The following OR2L13 variants were observed in gnomAD, a reference collection of about 807,000 sequenced individuals.
The protein encoded by OR2L13 is olfactory receptor 2L13.
A neutral mutation model predicts 15.3 loss-of-function variants in OR2L13; 14 were observed. The ratio of observed to expected loss-of-function variants is 0.91; its 90% CI spans 0.60 to 1.43. The LOEUF is 1.43. OR2L13 is among the 40% of genes most tolerant of loss of function. OR2L13 has a pLI of 0.00. For synonymous variants in OR2L13, 152 were observed against 142.9 expected, an observed-to-expected ratio of 1.06 and a Z score of -0.45; for missense variants, 367 against 387.9, an observed-to-expected ratio of 0.95 and a Z score of 0.45.
chr1:248,028,919 T>C, the OR2L13 span, among the ~76,000 whole-genome samples: 4 of 152,220 alleles, frequency 2.6e-5, no homozygotes, highest in African/African-American at 7.2e-5. Flanking sequence ...AACAGTACCG[T>C]GGTTGCACTA....
the OR2L13 span, among the ~76,000 whole-genome samples, chr1:247,998,784 T>C: frequency 1.3e-5 from 2 of 152,142 alleles, no homozygotes; most frequent in African/African-American, 4.8e-5. Flanking sequence ...TGTGCCAAAT[T>C]GTAGTGCTTT....
the OR2L13 span, among the ~76,000 whole-genome samples, chr1:248,050,591 TTTATTATGCTGTTCTATG>T: frequency 1.3e-5 from 2 of 152,112 alleles, no homozygotes; most frequent in Non-Finnish European, 2.9e-5. Context: ...TGATGTGCCA[TTTATTATGCTGTTCTATG>T]TTATTTTTTT....
the OR2L13 span, among the ~76,000 whole-genome samples, chr1:247,956,143 G>A: frequency 1.3e-5 from 2 of 150,296 alleles, no homozygotes; most frequent in African/African-American, 4.9e-5. Context: ...AAGGGATCCA[G>A]TTTCAGCTTT....
the OR2L13 span, among the ~76,000 whole-genome samples, chr1:248,072,296 C>G: frequency 1.3e-5 from 2 of 152,284 alleles, no homozygotes; most frequent in Admixed American, 1.3e-4. Flanking sequence ...ATCAATGGAA[C>G]AGAACAGAGT....
chr1:247,944,478 G>A, the OR2L13 span, among the ~76,000 whole-genome samples: 1 of 151,812 alleles, frequency 6.6e-6, no homozygotes, highest in African/African-American at 2.4e-5. Flanking sequence ...CCCCCAACAG[G>A]CCCCAGTAAG....
chr1:248,030,986 T>C, the OR2L13 span, among the ~76,000 whole-genome samples: 1 of 152,218 alleles, frequency 6.6e-6, no homozygotes, highest in Non-Finnish European at 1.5e-5. Context: ...TTAATGCTGA[T>C]GCCTAGGTAT....
chr1:247,990,509 T>A, the OR2L13 span: 8 of 1,575,200 alleles, frequency 5.1e-6, no homozygotes, highest in Non-Finnish European at 7.0e-6. Context: ...CTAAGATGGT[T>A]TATGATTTTT....
the OR2L13 span, among the ~76,000 whole-genome samples, chr1:247,984,128 A>G: frequency 6.6e-6 from 1 of 152,190 alleles, no homozygotes; most frequent in Non-Finnish European, 1.5e-5. Context: ...ACAAAGTCAT[A>G]TAAACTTGCC....
the OR2L13 span, among the ~76,000 whole-genome samples, chr1:248,049,937 T>C: frequency 6.6e-6 from 1 of 152,212 alleles, no homozygotes. Flanking sequence ...TGTATGTGTG[T>C]TTGTGGATCT....
At chr1:247,954,295 A>G in the OR2L13 span, among the ~76,000 whole-genome samples, 2 of 152,304 alleles carry the variant, frequency 1.3e-5, no homozygotes, top group East Asian at 3.9e-4. Flanking sequence ...AAGGCTAAAT[A>G]TCTTTTCAAT....
chr1:247,965,865 G>A, the OR2L13 span: 7,342 of 1,613,390 alleles, frequency 4.6e-3, 17 homozygotes, highest in Non-Finnish European at 5.8e-3. Context: ...CATTGTATGT[G>A]TTTCAGCTTC....
At chr1:248,008,235 AC>A in the OR2L13 span, among the ~76,000 whole-genome samples, 5 of 152,278 alleles carry the variant, frequency 3.3e-5, no homozygotes, top group South Asian at 1.0e-3. Flanking sequence ...CACTAGCTTT[AC>A]ACCCCCATAT....
the OR2L13 span, among the ~76,000 whole-genome samples, chr1:248,052,055 G>A: frequency 2.6e-5 from 4 of 152,068 alleles, no homozygotes; most frequent in African/African-American, 9.7e-5. Context: ...CTTGCAGTGG[G>A]TTTGTAAAGG....
the OR2L13 span, among the ~76,000 whole-genome samples, chr1:248,028,304 G>T: frequency 6.6e-6 from 1 of 151,916 alleles, no homozygotes; most frequent in Non-Finnish European, 1.5e-5. Context: ...CCACTCCATG[G>T]GCAATGGAAC....
the OR2L13 span, among the ~76,000 whole-genome samples, chr1:247,997,656 CAAAAA>C: frequency 6.6e-6 from 1 of 151,660 alleles, no homozygotes; most frequent in Non-Finnish European, 1.5e-5. Flanking sequence ...AGTTTAGAAA[CAAAAA>C]AAACTGAAAT....
chr1:247,976,843 A>G, the OR2L13 span, among the ~76,000 whole-genome samples: 130 of 152,300 alleles, frequency 8.5e-4, no homozygotes, highest in African/African-American at 3.0e-3. Flanking sequence ...ACAAGTTTTG[A>G]AAAGGCAGTC....
the OR2L13 span, chr1:248,038,757 T>C: frequency 1.1e-5 from 17 of 1,614,088 alleles, no homozygotes; most frequent in African/African-American, 1.3e-4. Context: ...ATATGCACTC[T>C]GTATCCCATA....
chr1:248,072,237 G>C, the OR2L13 span, among the ~76,000 whole-genome samples: 5 of 152,086 alleles, frequency 3.3e-5, no homozygotes, highest in East Asian at 9.6e-4. Context: ...ATACTACAAG[G>C]CTACAGTAAC....
At chr1:248,067,884 C>G in the OR2L13 span, among the ~76,000 whole-genome samples, 2 of 152,226 alleles carry the variant, frequency 1.3e-5, no homozygotes, top group African/African-American at 2.4e-5. Context: ...CACAGAGTCT[C>G]GCTGATTGCT....
Sources: gnomAD v4.1 joint callset for allele counts (sites outside exome capture counted in the v4.1 genomes callset) on GRCh38, gnomAD v4.1.1 for gene constraint, MANE v1.5 for transcripts, NCBI Gene and HGNC (gene_info 2026-07-23, HGNC 2026-07-21) for gene names.